Variants in XPNPEP1 observed in about 807,000 individuals in gnomAD.
XPNPEP1 encodes the protein xaa-Pro aminopeptidase 1.
Under a neutral mutation model 92.4 loss-of-function variants are expected in XPNPEP1, and 39 were observed. That is an observed-to-expected ratio of 0.42 (90% CI 0.33 to 0.55). The LOEUF (loss-of-function observed/expected upper bound fraction) is 0.55. Ranked by LOEUF, XPNPEP1 falls within the 20% of genes least tolerant of loss-of-function variation. The pLI, the probability that XPNPEP1 is intolerant of heterozygous loss-of-function variation, is 0.08. For missense variants in XPNPEP1, 654 were observed against 856.1 expected (o/e 0.76, Z 2.95); for synonymous variants, 307 against 299.4 (o/e 1.03, Z -0.26).
intron 7 of XPNPEP1, among the ~76,000 whole-genome samples, chr10:109,887,598 A>C (rs1234252485): frequency 6.6e-6 from 1 of 152,188 alleles, no homozygotes; most frequent in East Asian, 1.9e-4. Context: ...ACTATCGCAC[A>C]GGCCAAGGAA....
rs78351430 is a variant in XPNPEP1 at position 109,907,179 on chromosome 10, C to A, written c.246+512G>T. On this transcript the variant is annotated intron_variant, in intron 3 of 20. Coordinates refer to ENST00000502935, the MANE Select transcript of XPNPEP1 (RefSeq NM_020383.4). The stretch of plus-strand genomic sequence containing the variant: ...TTTCATCTCTCACTAAACCATAAGC[C>A]TAGTGAGAGCAGACATTCAACCTTA... 7.0e-3 allele frequency among the ~76,000 whole-genome samples: 1,070 copies of A among 152,236 alleles called. 7 individuals carry two copies. The highest frequency in any genetic ancestry group is 0.02 in the Middle Eastern group (6 of 294).
intron 9 of XPNPEP1, chr10:109,883,676 G>C (rs1407564226): frequency 5.9e-6 from 1 of 169,366 alleles, no homozygotes; most frequent in Non-Finnish European, 1.3e-5. Flanking sequence ...AAAATAAACT[G>C]ACAATTCAAC....
chr10:109,880,029 C>A (rs570336608), intron 12 of XPNPEP1, among the ~76,000 whole-genome samples, 159 bp downstream of exon 12: 1 of 152,294 alleles, frequency 6.6e-6, no homozygotes, highest in African/African-American at 2.4e-5. Flanking sequence ...TCTACACACA[C>A]CAAATTTCCA....
chr10:109,920,549 T>C (rs1850484468), intron 1 of XPNPEP1, among the ~76,000 whole-genome samples: 1 of 152,150 alleles, frequency 6.6e-6, no homozygotes, highest in South Asian at 2.1e-4. Context: ...GGTTATCATT[T>C]TTTTAGAGAC....
chr10:109,908,793 T>G (rs1300075203), intron 2 of XPNPEP1, among the ~76,000 whole-genome samples: 1 of 152,238 alleles, frequency 6.6e-6, no homozygotes, highest in Non-Finnish European at 1.5e-5. Flanking sequence ...CTTTTTAAAT[T>G]TGACTGCTTT....
chr10:109,903,845 CTTTT>C (rs111845864), intron 3 of XPNPEP1, among the ~76,000 whole-genome samples: 6 of 135,570 alleles, frequency 4.4e-5, no homozygotes, highest in Non-Finnish European at 4.8e-5. Flanking sequence ...GTTGGTCAAT[CTTTT>C]TTTTTTTTTT....
At chr10:109,865,382 A>G in intron 20 of XPNPEP1, 70 bp from the exon 21 acceptor site, 1 of 1,595,996 alleles carries the variant, frequency 6.3e-7, no homozygotes, top group South Asian at 1.1e-5. Flanking sequence ...ACAGGTCAAC[A>G]GCAAAGGCCC....
At chr10:109,912,977 T>C (rs1032180493) in intron 2 of XPNPEP1, among the ~76,000 whole-genome samples, 1 of 152,240 alleles carries the variant, frequency 6.6e-6, no homozygotes, top group Non-Finnish European at 1.5e-5. Context: ...TTATGACATC[T>C]GCTCATTCCA....
At chr10:109,888,636 C>A in intron 5 of XPNPEP1, 41 bp from the exon 6 acceptor site, 1 of 1,489,264 alleles carries the variant, frequency 6.7e-7, no homozygotes, top group Non-Finnish European at 9.2e-7. Flanking sequence ...TCCCAGTGGG[C>A]CCACGCTCAT....
intron 3 of XPNPEP1, among the ~76,000 whole-genome samples, chr10:109,896,936 A>T (rs1849023650): frequency 1.3e-5 from 2 of 152,228 alleles, no homozygotes; most frequent in Non-Finnish European, 2.9e-5. Flanking sequence ...CAGAACCATA[A>T]GAGAATAAAT....
intron 12 of XPNPEP1, among the ~76,000 whole-genome samples, chr10:109,879,593 A>C (rs1847978201): frequency 6.6e-6 from 1 of 151,998 alleles, no homozygotes; most frequent in African/African-American, 2.4e-5. Flanking sequence ...AAATAAAATA[A>C]TAATAATAAT....
chr10:109,872,140 A>G lies in XPNPEP1; in HGVS notation c.1453-279T>C, dbSNP rs17126848. 5.7e-3 allele frequency among the ~76,000 whole-genome samples: 874 copies of G among 152,328 alleles called. 50 individuals are homozygous for G. The East Asian group carries it at 0.12, about 20-fold the overall frequency. On this transcript the variant is annotated intron_variant, in intron 16 of 20. Coordinates refer to ENST00000502935, the MANE Select transcript of XPNPEP1 (RefSeq NM_020383.4). Reference sequence around the variant, plus strand: ...ACATACTCCATCATGTGAGCCTTAGAAAGAATGGAAAAGTAATAAAAAGTA... The same window carrying G: ...ACATACTCCATCATGTGAGCCTTAGGAAGAATGGAAAAGTAATAAAAAGTA...
chr10:109,904,241 A>T (rs895408207), intron 3 of XPNPEP1, among the ~76,000 whole-genome samples: 1 of 148,668 alleles, frequency 6.7e-6, no homozygotes, highest in African/African-American at 2.5e-5. Flanking sequence ...TCTAACAGTT[A>T]TGCACCCAGC....
At chr10:109,870,109 G>A in intron 18 of XPNPEP1, 80 bp from the exon 19 acceptor site, 1 of 1,467,440 alleles carries the variant, frequency 6.8e-7, no homozygotes, top group Middle Eastern at 1.7e-4. Flanking sequence ...CTCCTTGGAT[G>A]ACTGCCCTAC....
Position 109,923,494 on chromosome 10 carries a change from A to C in XPNPEP1, c.-61T>G. 7.6e-7 allele frequency: 1 copy of C among 1,321,432 alleles called. No homozygotes were observed. The highest frequency in any genetic ancestry group is 9.7e-7 in the Non-Finnish European group (1 of 1,027,462). 81.9% of individuals were successfully genotyped at this position (1,321,432 alleles called of 1,614,324 possible). A position where few individuals can be genotyped will look rare whatever the true frequency, so the allele number is the denominator to read the frequency against. On this transcript the variant is annotated 5_prime_UTR_variant, in exon 1 of 21. Coordinates refer to ENST00000502935, the MANE Select transcript of XPNPEP1 (RefSeq NM_020383.4). ...CGCAGACCAGCTGATCACCCGCGGAAGGGCCGGCGCGAAGGAGGCGCGAGA... is the reference window on the plus strand; with the variant it reads ...CGCAGACCAGCTGATCACCCGCGGACGGGCCGGCGCGAAGGAGGCGCGAGA...
intron 1 of XPNPEP1, 188 bp from the exon 2 acceptor site, chr10:109,915,287 G>C (rs2133564894): frequency 2.6e-6 from 1 of 380,520 alleles, no homozygotes; most frequent in South Asian, 9.9e-5. Context: ...CATCCCCATG[G>C]CAGGTTAACC....
chr10:109,875,413 T>C, intron 15 of XPNPEP1, 115 bp downstream of exon 15: 1 of 825,418 alleles, frequency 1.2e-6, no homozygotes, highest in South Asian at 1.7e-5. Flanking sequence ...ATTCCATTAG[T>C]GGCCAGCACA....
At chr10:109,900,622 CT>C (rs1849232229) in intron 3 of XPNPEP1, among the ~76,000 whole-genome samples, 1 of 152,180 alleles carries the variant, frequency 6.6e-6, no homozygotes, top group Non-Finnish European at 1.5e-5. Flanking sequence ...CTCCTCTCCG[CT>C]CCTAACCCCA....
At chr10:109,898,097 A>G (rs941101051) in intron 3 of XPNPEP1, among the ~76,000 whole-genome samples, 1 of 152,178 alleles carries the variant, frequency 6.6e-6, no homozygotes, top group African/African-American at 2.4e-5. Flanking sequence ...TGCTGCACTT[A>G]CCTCTACTTT....
Sources: gnomAD v4.1 joint callset for allele counts (sites outside exome capture counted in the v4.1 genomes callset) on GRCh38, gnomAD v4.1.1 for gene constraint, MANE v1.5 for transcripts, NCBI Gene and HGNC (gene_info 2026-07-23, HGNC 2026-07-21) for gene names.